The following UNC13A variants were observed in gnomAD, a reference collection of about 807,000 sequenced individuals.
The protein encoded by UNC13A is protein unc-13 homolog A.
UNC13A carries 61 observed loss-of-function variants against 219.7 expected under a neutral mutation model. The ratio of observed to expected loss-of-function variants is 0.28; its 90% CI spans 0.23 to 0.34. The LOEUF is 0.34. UNC13A is among the 10% of genes least tolerant of loss of function. The probability of loss-of-function intolerance (pLI) is 1.00; values close to 1 mark genes in which losing one functional copy is unlikely to be tolerated. For synonymous variants in UNC13A, 920 were observed against 884.6 expected, an observed-to-expected ratio of 1.04 and a Z score of -0.71; for missense variants, 1,476 against 2,270.3, an observed-to-expected ratio of 0.65 and a Z score of 7.11.
chr19:17,624,339 G>T (rs780813088), intron 35 of UNC13A, among the ~76,000 whole-genome samples: 1 of 151,858 alleles, frequency 6.6e-6, no homozygotes, highest in Non-Finnish European at 1.5e-5. Context: ...GGCTGGTCTC[G>T]AACTCCTGAC....
At chr19:17,630,865 G>T in intron 28 of UNC13A, 115 bp from the exon 29 acceptor site, 1 of 885,502 alleles carries the variant, frequency 1.1e-6, no homozygotes, top group Non-Finnish European at 1.7e-6. Context: ...TCTGCCTGGA[G>T]CTCTCCCTGC....
At chr19:17,652,230 C>T (rs1042390450) in intron 12 of UNC13A, among the ~76,000 whole-genome samples, 6 of 152,218 alleles carry the variant, frequency 3.9e-5, no homozygotes, top group Admixed American at 2.0e-4. Context: ...CTCTCGGGTT[C>T]AAGTAATTAT....
Position 17,686,308 on chromosome 19 carries a change from C to G in UNC13A, c.22+1870G>C, listed in dbSNP as rs1192090346. On this transcript the variant is annotated intron_variant, in intron 1 of 43. Coordinates refer to ENST00000519716, the MANE Select transcript of UNC13A (RefSeq NM_001080421.3). ...AAGGGTGAGATCCCCGCCCCCCCCCCCCCCCCCCCACTCCACTAGGCAAAC... is the reference window on the plus strand; with the variant it reads ...AAGGGTGAGATCCCCGCCCCCCCCCGCCCCCCCCCACTCCACTAGGCAAAC... 5.8e-5 allele frequency among the ~76,000 whole-genome samples: 3 copies of G among 52,170 alleles called. 1 individual carries two copies. The highest frequency in any genetic ancestry group is 1.9e-3 in the South Asian group (2 of 1,050). 34.2% of individuals were successfully genotyped at this position (52,170 alleles called of 152,430 possible).
rs1322523918 is a variant in UNC13A, at chr19:17,602,106, G to A, written c.*3948C>T. ...TTTTTGCATCTCTGATGGGGGCATGGTGAGGTCTCAGGCTCTGGGGCCTGA... is the reference window on the plus strand; with the variant it reads ...TTTTTGCATCTCTGATGGGGGCATGATGAGGTCTCAGGCTCTGGGGCCTGA... On this transcript the variant is annotated 3_prime_UTR_variant, in exon 44 of 44. Coordinates refer to ENST00000519716, the MANE Select transcript of UNC13A (RefSeq NM_001080421.3). 6.6e-6 allele frequency: 1 copy of A among 152,596 alleles called. No homozygotes were observed. The highest frequency in any genetic ancestry group is 1.5e-5 in the Non-Finnish European group (1 of 68,072). The allele number at this position is 152,596 out of a possible 1,614,324, so 9.5% of individuals were successfully genotyped here. A position where few individuals can be genotyped will look rare whatever the true frequency, so the allele number is the denominator to read the frequency against.
At chr19:17,669,529 A>G (rs1383560417) in intron 5 of UNC13A, 24 bp downstream of exon 5, 1 of 1,609,358 alleles carries the variant, frequency 6.2e-7, no homozygotes, top group Non-Finnish European at 8.5e-7. Context: ...GGGCTGGGTG[A>G]AGGTCCCGGG....
At chr19:17,652,524 CT>C in intron 12 of UNC13A, 106 bp downstream of exon 12, 1 of 1,436,130 alleles carries the variant, frequency 7.0e-7, no homozygotes. Flanking sequence ...TGTCCCCTGT[CT>C]AAATGGAACC....
At chr19:17,686,529 C>T (rs961938011) in intron 1 of UNC13A, among the ~76,000 whole-genome samples, 1 of 151,908 alleles carries the variant, frequency 6.6e-6, no homozygotes, top group African/African-American at 2.4e-5. Context: ...CCTCCCATTC[C>T]GTCCTCAGGC....
Position 17,636,134 on chromosome 19 carries a change from T to G in UNC13A, c.3105A>C (p.Pro1035=), listed in dbSNP as rs777963910. The G allele has an allele frequency of 2.3e-5, 37 of 1,603,336 alleles. No individual in the cohort carries two copies. In the African/African-American group the frequency reaches 4.8e-4, roughly 21 times the overall value. ...TDPAKKGEVL[P]EEQGPSIKNL... ...TCTTGATGCTGGGCCCCTGTTCCTC[T>G]GGGAGAACTTCCCCCTTCTTGGCCT... Residue 1035 remains proline, a synonymous_variant, in exon 26 of 44, where the codon CCA becomes CCC. Transcript: ENST00000519716.
At position 17,649,101 on chromosome 19, in the gene UNC13A, G is replaced by T; in HGVS notation, c.1525-118C>A. On this transcript the variant is annotated intron_variant, in intron 14 of 43. Transcript: ENST00000519716. The surrounding 1 kb of genome is among the most constrained non-coding windows in gnomAD (Gnocchi z 4.4). ...CATTTTGGAGCCACAACCGCAAGTT[G>T]GAAACAGGTCACCGACAGCATCCGG... The T allele has an allele frequency of 1.6e-6, 2 of 1,249,508 alleles. No individual in the cohort carries two copies. Among genetic ancestry groups the T allele is most frequent in the Non-Finnish European group, 2.2e-6 (2 of 895,750 alleles). The allele number at this position is 1,249,508 out of a possible 1,614,324, so 77.4% of individuals were successfully genotyped here.
chr19:17,630,869 T>A, intron 28 of UNC13A, 119 bp from the exon 29 acceptor site: 1 of 851,448 alleles, frequency 1.2e-6, no homozygotes, highest in Admixed American at 2.8e-5. Context: ...CCTGGAGCTC[T>A]CCCTGCAGCC....
intron 6 of UNC13A, among the ~76,000 whole-genome samples, 173 bp from the exon 7 acceptor site, chr19:17,666,877 CACACGA>C (rs1487339256): frequency 2.4e-4 from 22 of 92,388 alleles, no homozygotes; most frequent in Non-Finnish European, 4.4e-5. Flanking sequence ...GACACACACA[CACACGA>C]GAGAGAGAGA....
At chr19:17,676,343 C>T (rs2079898737) in intron 1 of UNC13A, among the ~76,000 whole-genome samples, 1 of 151,842 alleles carries the variant, frequency 6.6e-6, no homozygotes, top group African/African-American at 2.4e-5. Context: ...GAAATTTGGA[C>T]CCTGAGAGCA....
chr19:17,629,183 C>A, intron 31 of UNC13A, 57 bp downstream of exon 31: 1 of 1,475,098 alleles, frequency 6.8e-7, no homozygotes, highest in Admixed American at 1.9e-5. Flanking sequence ...GAAGGGAGTC[C>A]TGGGGATGCT....
Position 17,627,897 on chromosome 19 carries a change from A to G in UNC13A, c.3797T>C (p.Leu1266Pro). The G allele has an allele frequency of 6.2e-7, 1 of 1,605,536 alleles. No individual in the cohort carries two copies. ...MNNTQQLRVQ[L>P]EKMFEAMGGK... ...TCCCATGGCTTCGAACATCTTCTCCAGCTGAACTCGTAGCTGTTGAGTGTT... is the reference window on the plus strand; with the variant it reads ...TCCCATGGCTTCGAACATCTTCTCCGGCTGAACTCGTAGCTGTTGAGTGTT... Residue 1266 changes from leucine (L) to proline (P), a missense_variant, in exon 32 of 44, where the codon CTG (leucine) becomes CCG (proline). Leu to Pro is a moderately conservative substitution (Grantham distance 98). Coordinates refer to ENST00000519716, the MANE Select transcript of UNC13A (RefSeq NM_001080421.3). The surrounding 1 kb of genome is among the most constrained non-coding windows in gnomAD (Gnocchi z 4.7).
intron 2 of UNC13A, among the ~76,000 whole-genome samples, chr19:17,675,086 G>C (rs1012802716): frequency 1.8e-4 from 27 of 152,296 alleles, no homozygotes; most frequent in Admixed American, 1.6e-3. Context: ...CCAGCACTTT[G>C]GGAGGTCAAG....
rs1464804549 is a variant in UNC13A at position 17,648,636 on chromosome 19, G to A, written c.1611C>T (p.Tyr537=). ...LNNEELKNHV[Y]KKTLQALIYP... The stretch of plus-strand genomic sequence containing the variant: ...AGATTAAGGCTTGCAGGGTCTTCTT[G>A]TAAACGTGGTTTTTCTGCAGGGAGG... The change falls in exon 16 of 44, where the codon TAC becomes TAT. Residue 537 remains tyrosine (Y), a synonymous_variant. Transcript: ENST00000519716. 3 of 1,605,618 alleles carry A rather than the reference G, an allele frequency of 1.9e-6. No homozygotes were observed. Among genetic ancestry groups the A allele is most frequent in the African/African-American group, 2.7e-5 (2 of 74,772 alleles).
chr19:17,636,334 A>G (rs569133759), intron 25 of UNC13A, among the ~76,000 whole-genome samples, 177 bp from the exon 26 acceptor site: 2 of 152,328 alleles, frequency 1.3e-5, no homozygotes, highest in Admixed American at 6.5e-5. Flanking sequence ...AACAGAGCTC[A>G]TGTCAATGCA....
chr19:17,657,198 G>A (rs950218113), intron 9 of UNC13A, among the ~76,000 whole-genome samples: 2 of 152,068 alleles, frequency 1.3e-5, no homozygotes, highest in African/African-American at 4.8e-5. Flanking sequence ...AGCCCTGTGT[G>A]GCCCATACGC....
intron 15 of UNC13A, 40 bp downstream of exon 15, chr19:17,648,872 G>C (rs376917658): frequency 1.2e-4 from 191 of 1,560,086 alleles, no homozygotes; most frequent in Non-Finnish European, 1.6e-4. Flanking sequence ...TCCTAGCCCA[G>C]TCCATCCCTG....
Sources: gnomAD v4.1 joint callset for allele counts (sites outside exome capture counted in the v4.1 genomes callset) on GRCh38, gnomAD v4.1.1 for gene constraint, Gnocchi (gnomAD v3.1) non-coding constraint, MANE v1.5 for transcripts, NCBI Gene and HGNC (gene_info 2026-07-23, HGNC 2026-07-21) for gene names.